Variants in CNTN5 observed in about 807,000 individuals in gnomAD.
CNTN5 encodes contactin-5.
Under a neutral mutation model 129.1 loss-of-function variants are expected in CNTN5, and 77 were observed. That is an observed-to-expected ratio of 0.60 (90% CI 0.50 to 0.72). CNTN5 has a LOEUF of 0.72. CNTN5 is among the 30% of genes least tolerant of loss of function. The pLI is 0.00. For synonymous variants in CNTN5, 509 were observed against 465.6 expected, an observed-to-expected ratio of 1.09 and a Z score of -1.20; for missense variants, 1,478 against 1,328.8, an observed-to-expected ratio of 1.11 and a Z score of -1.75.
At position 99,072,965 on chromosome 11, in the gene CNTN5, A is replaced by G. The variant is rs1179761398; in HGVS notation, c.-210+51695A>G. 2.0e-5 allele frequency among the ~76,000 whole-genome samples: 3 copies of G among 152,306 alleles called. No individual in the cohort carries two copies. In the East Asian group the frequency reaches 5.8e-4, roughly 29 times the overall value. On this transcript the variant is annotated intron_variant, in intron 1 of 24. Coordinates refer to ENST00000524871, the MANE Select transcript of CNTN5 (RefSeq NM_014361.4). Reference sequence around the variant, plus strand: ...AGTTTTGCCTGTTTTTGAACTTCATATAAATGAAATTGTGCAGCATATATT... The same window carrying G: ...AGTTTTGCCTGTTTTTGAACTTCATGTAAATGAAATTGTGCAGCATATATT...
chr11:99,273,799 T>C (rs1217416309), intron 1 of CNTN5, among the ~76,000 whole-genome samples: 1 of 145,978 alleles, frequency 6.9e-6, no homozygotes, highest in Non-Finnish European at 1.5e-5. Context: ...ATACTTATGA[T>C]TTTTTTTTTG....
At chr11:100,291,775 A>AAATC (rs1565405933) in intron 18 of CNTN5, among the ~76,000 whole-genome samples, 1 of 114,746 alleles carries the variant, frequency 8.7e-6, no homozygotes, top group African/African-American at 2.9e-5. Flanking sequence ...ATAAATAAAT[A>AAATC]AATAAATAAA....
At chr11:99,566,297 G>T (rs1353012918) in intron 3 of CNTN5, among the ~76,000 whole-genome samples, 1 of 152,152 alleles carries the variant, frequency 6.6e-6, no homozygotes, top group African/African-American at 2.4e-5. Context: ...TTCTGCCATT[G>T]TTATAAGCTT....
chr11:99,502,987 AC>A (rs1469189660), intron 2 of CNTN5, among the ~76,000 whole-genome samples: 1 of 152,170 alleles, frequency 6.6e-6, no homozygotes, highest in Admixed American at 6.6e-5. Context: ...AATTTCCCAA[AC>A]TTTTATATTA....
chr11:99,178,135 G>A (rs997308908), intron 1 of CNTN5, among the ~76,000 whole-genome samples: 2 of 151,468 alleles, frequency 1.3e-5, no homozygotes, highest in African/African-American at 2.4e-5. Context: ...CTAAGAAATG[G>A]TATAGACTCA....
intron 1 of CNTN5, among the ~76,000 whole-genome samples, chr11:99,133,449 T>TATCA (rs1269823544): frequency 1.3e-5 from 2 of 151,788 alleles, no homozygotes; most frequent in Non-Finnish European, 2.9e-5. Flanking sequence ...CAAAAGAAAC[T>TATCA]ATCATCAGGG....
chr11:99,477,488 A>G (rs1945418776), intron 2 of CNTN5, among the ~76,000 whole-genome samples: 1 of 151,966 alleles, frequency 6.6e-6, no homozygotes, highest in Admixed American at 6.6e-5. Flanking sequence ...TAATTATTCT[A>G]ACCCTAAATA....
chr11:99,535,331 G>C (rs185257096), intron 2 of CNTN5, among the ~76,000 whole-genome samples: 100 of 152,264 alleles, frequency 6.6e-4, no homozygotes, highest in African/African-American at 2.4e-3. Flanking sequence ...TGTTAGATGT[G>C]GAGGATGAGA....
intron 1 of CNTN5, among the ~76,000 whole-genome samples, chr11:99,084,180 A>G (rs1230850553): frequency 6.6e-6 from 1 of 152,166 alleles, no homozygotes; most frequent in African/African-American, 2.4e-5. Context: ...CTATCATACA[A>G]TACTGTGCTC....
intron 21 of CNTN5, chr11:100,336,998 C>T (rs1952051655): frequency 5.0e-6 from 4 of 794,374 alleles, no homozygotes; most frequent in Non-Finnish European, 9.0e-6. Context: ...ACATTGAACC[C>T]ACACACATCT....
At chr11:99,489,368 G>A (rs1591151157) in intron 2 of CNTN5, among the ~76,000 whole-genome samples, 1 of 152,142 alleles carries the variant, frequency 6.6e-6, no homozygotes, top group East Asian at 1.9e-4. Context: ...ACATGACAAA[G>A]TGAAGCTGTT....
At chr11:99,934,153 C>T (rs1403289819) in intron 7 of CNTN5, among the ~76,000 whole-genome samples, 1 of 152,142 alleles carries the variant, frequency 6.6e-6, no homozygotes, top group Non-Finnish European at 1.5e-5. Context: ...ATGTATTTTC[C>T]TCCTTTCCTA....
At chr11:99,494,121 T>A (rs1278354953) in intron 2 of CNTN5, among the ~76,000 whole-genome samples, 1 of 152,180 alleles carries the variant, frequency 6.6e-6, no homozygotes, top group African/African-American at 2.4e-5. Context: ...CTCTGAGACA[T>A]TCATGTCAGA....
chr11:99,024,299 C>T (rs1044779552), intron 1 of CNTN5, among the ~76,000 whole-genome samples: 2 of 151,944 alleles, frequency 1.3e-5, no homozygotes, highest in Admixed American at 1.3e-4. Context: ...TATGTTTTTT[C>T]CAGACACTTA....
chr11:100,177,673 A>G (rs1416148825), intron 13 of CNTN5, among the ~76,000 whole-genome samples: 1 of 152,154 alleles, frequency 6.6e-6, no homozygotes, highest in Non-Finnish European at 1.5e-5. Context: ...AATTGTATGT[A>G]TAATTGTCTT....
At chr11:100,159,487 TA>T (rs900319827) in intron 13 of CNTN5, among the ~76,000 whole-genome samples, 19 of 151,302 alleles carry the variant, frequency 1.3e-4, no homozygotes, top group East Asian at 1.9e-4. Flanking sequence ...TGTTGAGCTT[TA>T]AAAAAAAATG....
At chr11:99,737,889 G>A (rs1943762545) in intron 3 of CNTN5, among the ~76,000 whole-genome samples, 4 of 151,998 alleles carry the variant, frequency 2.6e-5, no homozygotes, top group African/African-American at 7.2e-5. Flanking sequence ...TCATACCATC[G>A]GTGATGTCCA....
chr11:100,343,559 G>C (rs1952213116), intron 23 of CNTN5, among the ~76,000 whole-genome samples: 1 of 152,124 alleles, frequency 6.6e-6, no homozygotes, highest in Non-Finnish European at 1.5e-5. Context: ...AAGGATGAAA[G>C]CTCCTCCTGA....
At chr11:99,557,700 A>G (rs1948717910) in intron 3 of CNTN5, among the ~76,000 whole-genome samples, 1 of 151,478 alleles carries the variant, frequency 6.6e-6, no homozygotes, top group Admixed American at 6.6e-5. Flanking sequence ...TCAATTATGT[A>G]TGATATATGA....
Sources: gnomAD v4.1 joint callset for allele counts (sites outside exome capture counted in the v4.1 genomes callset) on GRCh38, gnomAD v4.1.1 for gene constraint, MANE v1.5 for transcripts, NCBI Gene and HGNC (gene_info 2026-07-23, HGNC 2026-07-21) for gene names.